ESRRG: variants seen among roughly 807,000 people sequenced by gnomAD.
The protein encoded by ESRRG is estrogen-related receptor gamma.
In ESRRG, 13 loss-of-function variants were observed where a neutral mutation model predicts 44.0. That is an observed-to-expected ratio of 0.30 (90% CI 0.19 to 0.47). The LOEUF (loss-of-function observed/expected upper bound fraction) is 0.47, where lower values mean the gene tolerates loss of function less well. Ranked by LOEUF, ESRRG falls within the 20% of genes least tolerant of loss-of-function variation. The pLI, the probability that ESRRG is intolerant of heterozygous loss-of-function variation, is 1.00. For synonymous variants in ESRRG, 215 were observed against 214.6 expected, an observed-to-expected ratio of 1.00 and a Z score of -0.02; for missense variants, 395 against 580.6, an observed-to-expected ratio of 0.68 and a Z score of 3.29.
At chr1:217,045,448 C>A (rs548011212) in intron 1 of ESRRG, among the ~76,000 whole-genome samples, 6 of 152,152 alleles carry the variant, frequency 3.9e-5, no homozygotes, top group Admixed American at 3.3e-4. Flanking sequence ...AGAGTTGACT[C>A]GGGTATTAAA....
chr1:216,982,140 T>C (rs1392877288), intron 1 of ESRRG, among the ~76,000 whole-genome samples: 3 of 152,164 alleles, frequency 2.0e-5, no homozygotes, highest in Non-Finnish European at 4.4e-5. Flanking sequence ...GATTTTTAAA[T>C]GGAAAAATTT....
chr1:217,016,975 G>T (rs1213888117), intron 1 of ESRRG, among the ~76,000 whole-genome samples: 1 of 152,124 alleles, frequency 6.6e-6, no homozygotes, highest in Non-Finnish European at 1.5e-5. Flanking sequence ...TAACCGAAAA[G>T]CCTGTTGTCA....
intron 5 of ESRRG, among the ~76,000 whole-genome samples, chr1:216,550,885 A>G (rs574062180): frequency 6.6e-6 from 1 of 152,290 alleles, no homozygotes; most frequent in African/African-American, 2.4e-5. Flanking sequence ...ATAGAGTTTA[A>G]GAACAGCATA....
intron 3 of ESRRG, among the ~76,000 whole-genome samples, chr1:216,590,063 G>A (rs1437548340): frequency 6.6e-6 from 1 of 151,886 alleles, no homozygotes; most frequent in African/African-American, 2.4e-5. Context: ...CTTAAAAATA[G>A]TATAAATGCA....
intron 2 of ESRRG, among the ~76,000 whole-genome samples, chr1:216,930,193 C>T (rs183376065): frequency 2.6e-4 from 40 of 152,248 alleles, no homozygotes; most frequent in African/African-American, 8.9e-4. Context: ...CTTTAATCTC[C>T]CTTCTAACCT....
intron 3 of ESRRG, among the ~76,000 whole-genome samples, chr1:216,576,969 A>G (rs1408895114): frequency 6.6e-6 from 1 of 152,014 alleles, no homozygotes; most frequent in Non-Finnish European, 1.5e-5. Flanking sequence ...CTATCTATAA[A>G]CTGATGCTGA....
intron 5 of ESRRG, among the ~76,000 whole-genome samples, chr1:216,534,321 G>A (rs1304556619): frequency 1.3e-5 from 2 of 152,056 alleles, no homozygotes; most frequent in Non-Finnish European, 2.9e-5. Flanking sequence ...TGTATTTAGT[G>A]CATTATTTAA....
chr1:216,559,042 A>AT (rs11418393), intron 5 of ESRRG, among the ~76,000 whole-genome samples: 30,499 of 151,590 alleles, frequency 0.2, 3,364 homozygotes, highest in Non-Finnish European at 0.25. Context: ...GATAATTTTT[A>AT]TACTTTTAGT....
chr1:216,778,489 C>G (rs542743414), intron 2 of ESRRG, among the ~76,000 whole-genome samples: 1 of 151,786 alleles, frequency 6.6e-6, no homozygotes, highest in African/African-American at 2.4e-5. Context: ...AGTGTTGTGT[C>G]GGGCCCTGAC....
chr1:216,936,456 C>T (rs1474936136), intron 2 of ESRRG, among the ~76,000 whole-genome samples: 1 of 151,824 alleles, frequency 6.6e-6, no homozygotes, highest in Non-Finnish European at 1.5e-5. Context: ...TTGGATGTTC[C>T]TGCTGTCACC....
intron 1 of ESRRG, among the ~76,000 whole-genome samples, chr1:217,085,593 C>A (rs1263996482): frequency 6.9e-6 from 1 of 144,424 alleles, no homozygotes; most frequent in African/African-American, 2.5e-5. Flanking sequence ...CGGGTGCAAG[C>A]CATTCTCCTG....
chr1:216,604,267 C>T (rs1367179075), intron 3 of ESRRG, among the ~76,000 whole-genome samples: 4 of 152,104 alleles, frequency 2.6e-5, no homozygotes, highest in East Asian at 1.9e-4. Flanking sequence ...AGGAAGTGTT[C>T]GGCACATCAG....
intron 1 of ESRRG, among the ~76,000 whole-genome samples, chr1:217,025,538 C>T (rs955946687): frequency 3.3e-5 from 5 of 152,178 alleles, no homozygotes; most frequent in African/African-American, 9.7e-5. Flanking sequence ...CAAAGAATGT[C>T]CACAGATCAT....
At chr1:217,104,502 T>A (rs913722597) in intron 1 of ESRRG, among the ~76,000 whole-genome samples, 6 of 152,202 alleles carry the variant, frequency 3.9e-5, no homozygotes, top group African/African-American at 1.2e-4. Flanking sequence ...TTTCTTCAAC[T>A]GTTCAGTGAA....
intron 2 of ESRRG, among the ~76,000 whole-genome samples, chr1:216,835,847 A>T (rs896732022): frequency 2.6e-5 from 4 of 152,182 alleles, no homozygotes; most frequent in African/African-American, 9.6e-5. Context: ...TAATGAGGGA[A>T]CTTAGCTAAA....
At chr1:216,522,181 C>T (rs144266597) in intron 5 of ESRRG, among the ~76,000 whole-genome samples, 1,535 of 149,834 alleles carry the variant, frequency 0.01, 29 homozygotes, top group African/African-American at 0.035. Context: ...GTTTATCCTT[C>T]CTGCAAACCT....
chr1:217,098,600 G>A (rs2092459781), intron 1 of ESRRG, among the ~76,000 whole-genome samples: 1 of 152,174 alleles, frequency 6.6e-6, no homozygotes, highest in African/African-American at 2.4e-5. Flanking sequence ...AAACGGTCTA[G>A]CTGCTCTATC....
chr1:216,917,249 G>T (rs1306084371), intron 2 of ESRRG, among the ~76,000 whole-genome samples: 1 of 151,298 alleles, frequency 6.6e-6, no homozygotes, highest in Non-Finnish European at 1.5e-5. Flanking sequence ...TCTGGAACTG[G>T]AACGAGATCA....
At chr1:216,685,994 T>C (rs1393456672) in intron 1 of ESRRG, 2 of 152,148 alleles carry the variant, frequency 1.3e-5, no homozygotes, top group Non-Finnish European at 2.9e-5. Flanking sequence ...CATATGAAAA[T>C]TTCTGTGTTA....
Sources: gnomAD v4.1 joint callset for allele counts (sites outside exome capture counted in the v4.1 genomes callset) on GRCh38, gnomAD v4.1.1 for gene constraint, MANE v1.5 for transcripts, NCBI Gene and HGNC (gene_info 2026-07-23, HGNC 2026-07-21) for gene names.